Variants in COL5A3 observed in about 807,000 individuals in gnomAD.
COL5A3 encodes the protein collagen alpha-3(V) chain.
COL5A3 carries 172 observed loss-of-function variants against 250.0 expected under a neutral mutation model. The ratio of observed to expected loss-of-function variants is 0.69; its 90% confidence interval spans 0.61 to 0.78. The LOEUF (loss-of-function observed/expected upper bound fraction) is 0.78. Among genes scored for constraint, COL5A3 ranks in the 30% least tolerant of loss-of-function variants. COL5A3 has a pLI of 0.00. For missense variants in COL5A3, 2,340 were observed against 2,334.4 expected (o/e 1.00, Z -0.05); for synonymous variants, 937 against 900.4 (o/e 1.04, Z -0.73).
At chr19:9,967,249 G>T in intron 62 of COL5A3, 98 bp downstream of exon 62, 2 of 855,652 alleles carry the variant, frequency 2.3e-6, no homozygotes, top group Non-Finnish European at 3.4e-6. Context: ...GCCTGGCCCA[G>T]TGCTGCGCAC....
chr19:9,965,994 C>CA (rs1555733553), intron 64 of COL5A3, among the ~76,000 whole-genome samples: 2 of 151,492 alleles, frequency 1.3e-5, no homozygotes, highest in East Asian at 2.0e-4. Flanking sequence ...CCACCATGCC[C>CA]GCCAGTTTTT....
intron 64 of COL5A3, among the ~76,000 whole-genome samples, chr19:9,963,500 T>G (rs572230125): frequency 1.4e-5 from 2 of 141,998 alleles, no homozygotes; most frequent in African/African-American, 5.2e-5. Flanking sequence ...CAAGCAATCC[T>G]CTGACCTCAG....
At chr19:9,993,124 T>G in intron 19 of COL5A3, 57 bp from the exon 20 acceptor site, 3 of 1,566,488 alleles carry the variant, frequency 1.9e-6, no homozygotes, top group Non-Finnish European at 2.6e-6. Flanking sequence ...GAGAGCCACC[T>G]CCCCTCATCT....
chr19:9,960,591 C>T (rs778698337), intron 66 of COL5A3, 34 bp from the exon 67 acceptor site: 22 of 1,613,544 alleles, frequency 1.4e-5, no homozygotes, highest in African/African-American at 5.3e-5. Flanking sequence ...GGTGAGTTAC[C>T]GGGAAGGTGG....
intron 54 of COL5A3, among the ~76,000 whole-genome samples, 181 bp downstream of exon 54, chr19:9,970,441 T>TGGGGTGAGTGGGGTCTGTG (rs139557064): frequency 5.3e-5 from 1 of 18,704 alleles, no homozygotes; most frequent in Non-Finnish European, 8.9e-5. Flanking sequence ...GTGGGGTCTG[T>TGGGGTGAGTGGGGTCTGTG]GGGTGAGTGG....
chr19:9,980,798 TC>T lies in COL5A3; in HGVS notation c.2559+7del, dbSNP rs1176555939. 6 of 1,612,242 alleles carry T rather than the reference TC, an allele frequency of 3.7e-6. No homozygotes were observed. Among genetic ancestry groups the T allele is most frequent in the Non-Finnish European group, 5.1e-6 (6 of 1,179,428 alleles). The stretch of plus-strand genomic sequence containing the variant: ...ATGGGGGGCCTTGATTGCCCACCCA[TC>T]CCATACCTTGGGGCCTGGTTGCCCT... On this transcript the variant is annotated splice_region_variant and intron_variant, in intron 34 of 66. Coordinates refer to ENST00000264828, the MANE Select transcript of COL5A3 (RefSeq NM_015719.4).
At position 9,966,648 on chromosome 19, in the gene COL5A3, C is replaced by A. The variant is rs1201264029; in HGVS notation, c.4557G>T (p.Ser1519=). Residue 1519 remains serine (S), a synonymous_variant, in exon 63 of 67, where the codon TCG becomes TCT. Transcript: ENST00000264828. The part of the protein sequence containing the change: ...VEGGLEEVLA[S]LTSLSLELEQ... ...CCAGCTCCAAGCTCAGCGATGTGAG[C>A]GAGGCCAGCACCTCCTCCAGGCCGC... 5 of 1,538,144 alleles carry A rather than the reference C, an allele frequency of 3.3e-6. No individual in the cohort carries two copies. In the South Asian group the frequency reaches 5.9e-5, roughly 18 times the overall value.
chr19:9,992,892 C>T lies in COL5A3; in HGVS notation c.1795-12G>A, dbSNP rs1286989562. The stretch of plus-strand genomic sequence containing the variant: ...AGTCCTCGTGGACCCTGCAAGGGAG[C>T]AGGCGAATTATTTCCACATCACCTC... On this transcript the variant is annotated splice_polypyrimidine_tract_variant and intron_variant, in intron 20 of 66. Transcript: ENST00000264828. The T allele has an allele frequency of 1.2e-6, 2 of 1,613,714 alleles. No individual in the cohort carries two copies. The highest frequency in any genetic ancestry group is 8.5e-7 in the Non-Finnish European group (1 of 1,179,720).
chr19:9,993,841 G>A (rs776107725), intron 16 of COL5A3, 35 bp from the exon 17 acceptor site: 2 of 1,603,962 alleles, frequency 1.2e-6, no homozygotes, highest in South Asian at 1.1e-5. Context: ...TCAAGGATGA[G>A]CCTTCCCTGT....
At chr19:10,008,777 G>A (rs2087480332) in intron 1 of COL5A3, among the ~76,000 whole-genome samples, 1 of 152,194 alleles carries the variant, frequency 6.6e-6, no homozygotes, top group African/African-American at 2.4e-5. Context: ...CGCTTGCCGT[G>A]AGCTTGCAGG....
Position 9,967,936 on chromosome 19 carries a change from G to T in COL5A3, c.4372C>A (p.Pro1458Thr). 1.2e-6 allele frequency: 2 copies of T among 1,612,858 alleles called. No individual in the cohort carries two copies. The highest frequency in any genetic ancestry group is 1.7e-6 in the Non-Finnish European group (2 of 1,179,536). Reference sequence around the variant, plus strand: ...CCTTTTGAGCCTTTCTGTCCTAGAGGGCCCTGTAGGGTACAGACAGGGAGA... The same window carrying T: ...CCTTTTGAGCCTTTCTGTCCTAGAGTGCCCTGTAGGGTACAGACAGGGAGA... The part of the protein sequence containing the change: ...GHPGPPGVAG[P>T]LGQKGSKGSP... The change falls in exon 61 of 67, where the codon CCT becomes ACT. Residue 1458 changes from proline to threonine, a missense_variant. Pro to Thr is a conservative substitution (Grantham distance 38). This residue lies in a region of COL5A3 where 1,179 missense variants were observed against 1,162.6 expected (regional missense o/e 1.01). Transcript: ENST00000264828.
Position 9,968,674 on chromosome 19 carries a change from C to A in COL5A3, c.4206+1G>T. On this transcript the variant is annotated splice_donor_variant, in intron 58 of 66. Transcript: ENST00000264828. LOFTEE classifies it high-confidence loss of function. The surrounding 1 kb of genome is among the most constrained non-coding windows in gnomAD (Gnocchi z 4.1). The stretch of plus-strand genomic sequence containing the variant: ...AGAGAATAATGGAATGATGTCCTTA[C>A]CTTTTCCCCCTTGGGGCCAGTGTCT... 6.2e-7 allele frequency: 1 copy of A among 1,606,942 alleles called. No homozygotes were observed. The highest frequency in any genetic ancestry group is 8.5e-7 in the Non-Finnish European group (1 of 1,177,276).
In COL5A3 at chr19:9,996,676, A is replaced by C. The variant is rs1380125368; in HGVS notation, c.1277T>G (p.Leu426Arg). Residue 426 changes from leucine (L) to arginine (R), a missense_variant, in exon 12 of 67, where the codon CTC becomes CGC. Transcript: ENST00000264828. ...CCCATCAATGCCGGGGATTCCTGGGAGGCCAGCAGGGCCCTGAGAGAGGGA... is the reference window on the plus strand; with the variant it reads ...CCCATCAATGCCGGGGATTCCTGGGCGGCCAGCAGGGCCCTGAGAGAGGGA... ...GDPGPPGPAG[L>R]PGIPGIDGIR... is the part of the protein sequence containing the mutation. The C allele has an allele frequency of 9.3e-6, 15 of 1,606,166 alleles. 1 individual carries two copies. The South Asian group carries it at 1.3e-4, about 14-fold the overall frequency.
At chr19:10,003,809 GTC>G (rs2087398818) in intron 5 of COL5A3, 95 bp from the exon 6 acceptor site, 2 of 1,511,520 alleles carry the variant, frequency 1.3e-6, no homozygotes, top group Non-Finnish European at 9.0e-7. Flanking sequence ...TGGCCCGTGG[GTC>G]CTCACTCAGC....
At chr19:10,001,747 C>G (rs1373381783) in intron 7 of COL5A3, 21 bp downstream of exon 7, 2 of 1,613,184 alleles carry the variant, frequency 1.2e-6, no homozygotes, top group East Asian at 4.5e-5. Flanking sequence ...TGGGGTCTCC[C>G]CTCTTCCATC....
intron 65 of COL5A3, among the ~76,000 whole-genome samples, chr19:9,962,449 C>G (rs918019873): frequency 2.0e-5 from 3 of 152,140 alleles, no homozygotes; most frequent in Non-Finnish European, 1.5e-5. Context: ...CTTGACTGAG[C>G]CTTTGCATAT....
At chr19:10,000,047 C>T (rs1332887008) in intron 8 of COL5A3, among the ~76,000 whole-genome samples, 1 of 152,084 alleles carries the variant, frequency 6.6e-6, no homozygotes, top group Non-Finnish European at 1.5e-5. Flanking sequence ...TGTGAGCCAC[C>T]ATACCTGGCC....
intron 31 of COL5A3, among the ~76,000 whole-genome samples, chr19:9,983,854 GA>G (rs58267123): frequency 3.6e-4 from 49 of 137,978 alleles, no homozygotes; most frequent in Non-Finnish European, 6.1e-4. Flanking sequence ...TCGTTAAAAA[GA>G]AAAAAAAATC....
rs766580502 is a variant in COL5A3 at position 9,968,356 on chromosome 19, A to G, written c.4314+29T>C. On this transcript the variant is annotated intron_variant, in intron 59 of 66. Transcript: ENST00000264828. The surrounding 1 kb of genome is among the most constrained non-coding windows in gnomAD (Gnocchi z 4.1). The stretch of plus-strand genomic sequence containing the variant: ...TCAACCGACCCCCTCCTTCAAATGC[A>G]TTCTTCCCGCTCAGGTCAGGACACT... 3 of 1,510,324 alleles carry G rather than the reference A, an allele frequency of 2.0e-6. No individual in the cohort carries two copies. Among genetic ancestry groups the G allele is most frequent in the African/African-American group, 2.8e-5 (2 of 72,000 alleles). 93.6% of individuals were successfully genotyped at this position (1,510,324 alleles called of 1,614,324 possible).
Sources: gnomAD v4.1 joint callset for allele counts (sites outside exome capture counted in the v4.1 genomes callset) on GRCh38, gnomAD v4.1.1 for gene constraint, gnomAD v4.1.1 regional missense constraint, Gnocchi (gnomAD v3.1) non-coding constraint, MANE v1.5 for transcripts, NCBI Gene and HGNC (gene_info 2026-07-23, HGNC 2026-07-21) for gene names.